Variants in TARBP1 observed in about 807,000 individuals in gnomAD.
TARBP1 encodes the protein tRNA (guanosine(18)-2'-O)-methyltransferase TARBP1.
Under a neutral mutation model 178.6 loss-of-function variants are expected in TARBP1, and 144 were observed. That is an observed-to-expected ratio of 0.81 (90% confidence interval 0.70 to 0.93). The LOEUF (loss-of-function observed/expected upper bound fraction) is 0.93. Among genes scored for constraint, TARBP1 ranks in the 40% least tolerant of loss-of-function variants. The pLI is 0.00. For synonymous variants in TARBP1, 787 were observed against 781.0 expected (o/e 1.01, Z -0.13); for missense variants, 2,067 against 2,011.7 (o/e 1.03, Z -0.53).
intron 12 of TARBP1, among the ~76,000 whole-genome samples, chr1:234,438,365 A>T (rs1665248740): frequency 6.6e-6 from 1 of 152,256 alleles, no homozygotes; most frequent in Non-Finnish European, 1.5e-5. Flanking sequence ...TCATTAAAGC[A>T]GCTCTAATAA....
intron 24 of TARBP1, among the ~76,000 whole-genome samples, chr1:234,403,260 CAAGTG>C (rs1317027379): frequency 8.5e-5 from 13 of 152,304 alleles, no homozygotes; most frequent in Admixed American, 3.9e-4. Flanking sequence ...CTGGGCAAAT[CAAGTG>C]GGGCTGGCCG....
chr1:234,469,377 T>TCA (rs1324961959), intron 3 of TARBP1, among the ~76,000 whole-genome samples: 5 of 152,170 alleles, frequency 3.3e-5, no homozygotes, highest in Non-Finnish European at 7.4e-5. Context: ...TCAAAATCAG[T>TCA]CACTGCTATT....
intron 14 of TARBP1, 123 bp from the exon 15 acceptor site, chr1:234,430,424 A>G (rs1664306659): frequency 2.6e-6 from 2 of 768,886 alleles, no homozygotes; most frequent in Admixed American, 2.8e-5. Flanking sequence ...GCTCCTGAAT[A>G]TCAGGAGAAA....
intron 9 of TARBP1, among the ~76,000 whole-genome samples, chr1:234,457,099 T>G (rs555290078): frequency 1.3e-5 from 2 of 152,108 alleles, no homozygotes; most frequent in African/African-American, 4.8e-5. Context: ...CAGTAAGAGG[T>G]CTGGAGGCCA....
chr1:234,416,037 G>A (rs1220368414), intron 22 of TARBP1, among the ~76,000 whole-genome samples: 1 of 152,186 alleles, frequency 6.6e-6, no homozygotes, highest in Non-Finnish European at 1.5e-5. Flanking sequence ...GTCTAATGAC[G>A]AGTGAGAGGC....
At chr1:234,402,742 C>CT (rs1041018266) in intron 24 of TARBP1, among the ~76,000 whole-genome samples, 2 of 151,696 alleles carry the variant, frequency 1.3e-5, no homozygotes, top group African/African-American at 2.4e-5. Flanking sequence ...ACCCCGCTAA[C>CT]TTTTTTTTAT....
chr1:234,464,138 A>T (rs1262322632), intron 5 of TARBP1, among the ~76,000 whole-genome samples: 5 of 152,184 alleles, frequency 3.3e-5, no homozygotes, highest in Admixed American at 3.3e-4. Context: ...TTGTAGGAAA[A>T]TGGACATGAG....
At chr1:234,462,987 G>T (rs537186914) in intron 6 of TARBP1, among the ~76,000 whole-genome samples, 1 of 152,212 alleles carries the variant, frequency 6.6e-6, no homozygotes, top group Non-Finnish European at 1.5e-5. Context: ...AGTAGGTCCT[G>T]CTGCTGCTCA....
At chr1:234,424,690 CCAAGG>C (rs1663501141) in intron 20 of TARBP1, among the ~76,000 whole-genome samples, 1 of 152,144 alleles carries the variant, frequency 6.6e-6, no homozygotes, top group Admixed American at 6.6e-5. Context: ...CTTTGGGAGG[CCAAGG>C]CAAGAGGATC....
chr1:234,457,103 G>A (rs1215114801), intron 9 of TARBP1, among the ~76,000 whole-genome samples: 1 of 152,186 alleles, frequency 6.6e-6, no homozygotes, highest in East Asian at 1.9e-4. Context: ...AAGAGGTCTG[G>A]AGGCCAGGGA....
intron 2 of TARBP1, among the ~76,000 whole-genome samples, chr1:234,472,328 C>CA (rs1669139111): frequency 3.0e-5 from 1 of 33,882 alleles, no homozygotes; most frequent in Non-Finnish European, 5.6e-5. Flanking sequence ...GACTCTGTCT[C>CA]CAAAAAAAAA....
chr1:234,472,620 T>C (rs1669180049), intron 2 of TARBP1, 94 bp downstream of exon 2: 2 of 766,590 alleles, frequency 2.6e-6, no homozygotes, highest in Non-Finnish European at 4.1e-6. Flanking sequence ...CAGCTATATC[T>C]GAGTTAGTCT....
Position 234,429,140 on chromosome 1 carries a change from T to C in TARBP1, c.3056A>G (p.Lys1019Arg). 1 of 1,566,538 alleles carries C rather than the reference T, an allele frequency of 6.4e-7. No homozygotes were observed. Among genetic ancestry groups the C allele is most frequent in the Non-Finnish European group, 8.6e-7 (1 of 1,165,480 alleles). ...KIKGQAYFKIKEIMYKIIEMS... is the reference protein window; with the variant it reads ...KIKGQAYFKIREIMYKIIEMS... ...AAAGAAAAGAAAGTTAGTTACCTCT[T>C]TTATTTTGAAATATGCCTGGCCCTT... The change falls in exon 17 of 30, where the codon AAA (lysine) becomes AGA (arginine). Residue 1019 changes from lysine to arginine, a missense_variant. Coordinates refer to ENST00000040877, the MANE Select transcript of TARBP1 (RefSeq NM_005646.4).
Position 234,429,495 on chromosome 1 carries a change from G to C in TARBP1, c.2792C>G (p.Ser931Cys). Residue 931 changes from serine (S) to cysteine (C), a missense_variant, in exon 16 of 30, where the codon TCT becomes TGT. Transcript: ENST00000040877. ...AVQMPIRTLQ[S>C]ALEALTVLSS... ...AAGAACTGTGAGGGCTTCTAGTGCA[G>C]ACTGCAAAGTCCTTATTGGCATCTG... The C allele has an allele frequency of 6.2e-7, 1 of 1,614,196 alleles. No individual in the cohort carries two copies. The highest frequency in any genetic ancestry group is 8.5e-7 in the Non-Finnish European group (1 of 1,180,034).
At chr1:234,392,797 G>A (rs986122083) in intron 28 of TARBP1, 7 of 226,058 alleles carry the variant, frequency 3.1e-5, no homozygotes, top group Middle Eastern at 1.6e-3. Flanking sequence ...TGCAAGCTCC[G>A]CCTCCCGGGT....
rs145675690 is a variant in TARBP1 at position 234,393,631 on chromosome 1, A to C, written c.4435+15T>G. Reference sequence around the variant, plus strand: ...AAAGCTTTCAGGCAAAGCTCCCAGAAAACTCCAACTTTACCTCCTAAATTG... The same window carrying C: ...AAAGCTTTCAGGCAAAGCTCCCAGACAACTCCAACTTTACCTCCTAAATTG... On this transcript the variant is annotated intron_variant, in intron 27 of 29. Transcript: ENST00000040877. 1 of 1,594,298 alleles carries C rather than the reference A, an allele frequency of 6.3e-7. No homozygotes were observed. Among genetic ancestry groups the C allele is most frequent in the Middle Eastern group, 1.7e-4 (1 of 5,950 alleles).
At chr1:234,464,153 T>C (rs1214072840) in intron 5 of TARBP1, among the ~76,000 whole-genome samples, 1 of 152,224 alleles carries the variant, frequency 6.6e-6, no homozygotes, top group Admixed American at 6.5e-5. Context: ...CATGAGTTAA[T>C]AACCTACTTT....
At chr1:234,478,132 C>A in intron 1 of TARBP1, 41 bp downstream of exon 1, 1 of 1,589,748 alleles carries the variant, frequency 6.3e-7, no homozygotes, top group Non-Finnish European at 8.6e-7. Flanking sequence ...CTGGGGCAGC[C>A]AAGTAGGTAG....
Position 234,406,163 on chromosome 1 carries a change from GAC to G in TARBP1, c.3793-66_3793-65del, listed in dbSNP as rs1661220335. On this transcript the variant is annotated intron_variant, in intron 23 of 29. Transcript: ENST00000040877. ...TGGACCATTTTACTCTCACTTGTATGACACAAAAAAAGTACACGAATGATACA... is the reference window on the plus strand; with the variant it reads ...TGGACCATTTTACTCTCACTTGTATGACAAAAAAAGTACACGAATGATACA... 3.4e-6 allele frequency: 5 copies of G among 1,469,064 alleles called. No homozygotes were observed. The East Asian group carries it at 1.1e-4, about 33-fold the overall frequency. 91.0% of individuals were successfully genotyped at this position (1,469,064 alleles called of 1,614,324 possible). A position where few individuals can be genotyped will look rare whatever the true frequency, so the allele number is the denominator to read the frequency against.
Sources: allele counts gnomAD v4.1 joint callset (sites outside exome capture counted in the v4.1 genomes callset), GRCh38; gene constraint gnomAD v4.1.1; transcripts MANE v1.5; gene names NCBI Gene and HGNC (gene_info 2026-07-23, HGNC 2026-07-21).